The following DAB2 variants were observed in gnomAD, a reference collection of about 807,000 sequenced individuals.
The protein encoded by DAB2 is DAB adaptor protein 2.
DAB2 carries 28 observed loss-of-function variants against 71.6 expected under a neutral mutation model. The ratio of observed to expected loss-of-function variants is 0.39; its 90% CI spans 0.29 to 0.54. The LOEUF (loss-of-function observed/expected upper bound fraction) is 0.54. Among genes scored for constraint, DAB2 ranks in the 20% least tolerant of loss-of-function variants. The probability of loss-of-function intolerance (pLI) is 0.68; values close to 1 mark genes in which losing one functional copy is unlikely to be tolerated. For synonymous variants in DAB2, 345 were observed against 339.7 expected (o/e 1.02, Z -0.17); for missense variants, 867 against 928.8 (o/e 0.93, Z 0.86).
At chr5:39,382,191 C>G (rs144327947) in intron 10 of DAB2, among the ~76,000 whole-genome samples, 1 of 152,046 alleles carries the variant, frequency 6.6e-6, no homozygotes, top group Non-Finnish European at 1.5e-5. Context: ...GAGATAAGCT[C>G]GAGAATTTTA....
chr5:39,416,418 G>A (rs1473369898), intron 1 of DAB2, among the ~76,000 whole-genome samples: 1 of 152,008 alleles, frequency 6.6e-6, no homozygotes, highest in Non-Finnish European at 1.5e-5. Context: ...TAGCTTTCCT[G>A]ATTTTGAATT....
At chr5:39,405,738 ATGTGCTGT>A (rs982723784) in intron 1 of DAB2, among the ~76,000 whole-genome samples, 10 of 152,186 alleles carry the variant, frequency 6.6e-5, no homozygotes, top group African/African-American at 2.4e-4. Flanking sequence ...GTCTTTCCTT[ATGTGCTGT>A]TCTCCATTTT....
rs1755184784 is a variant in DAB2 at position 39,389,932 on chromosome 5, C to G, written c.463G>C (p.Ala155Pro). ...TTAAGATCAACAACTAATGGTTCAG[C>G]CTGCAGTAAGGGAAAGCACTGTTAT... ...QFFAIKTGQQ[A>P]EPLVVDLKDL... The change falls in exon 6 of 15, where the codon GCT becomes CCT. Residue 155 changes from alanine (A) to proline (P), a missense_variant and splice_region_variant. Around this residue, in one of 2 missense-constraint regions of DAB2, gnomAD observed 127 missense variants for 194.4 expected, o/e 0.65. Coordinates refer to ENST00000320816, the MANE Select transcript of DAB2 (RefSeq NM_001343.4). 6.3e-7 allele frequency: 1 copy of G among 1,577,278 alleles called. No homozygotes were observed.
chr5:39,377,654 C>A (rs1340324527), intron 11 of DAB2, among the ~76,000 whole-genome samples: 1 of 152,134 alleles, frequency 6.6e-6, no homozygotes, highest in Admixed American at 6.5e-5. Flanking sequence ...ATAGCAGGAA[C>A]TTATTTAAGT....
chr5:39,384,252 A>G (rs1755045347), intron 9 of DAB2, among the ~76,000 whole-genome samples: 1 of 152,266 alleles, frequency 6.6e-6, no homozygotes, highest in South Asian at 2.1e-4. Context: ...AATGGCACAT[A>G]GTGCCAAAAC....
Position 39,389,924 on chromosome 5 carries a change from T to C in DAB2, c.471A>G (p.Pro157=), listed in dbSNP as rs140741572. 50 of 1,587,994 alleles carry C rather than the reference T, an allele frequency of 3.1e-5. No homozygotes were observed. Among genetic ancestry groups the C allele is most frequent in the Non-Finnish European group, 4.1e-5 (48 of 1,165,602 alleles). The change falls in exon 6 of 15, where the codon CCA becomes CCG. Residue 157 remains proline, a synonymous_variant. Transcript: ENST00000320816. ...AAAGGTCTTTAAGATCAACAACTAA[T>C]GGTTCAGCCTGCAGTAAGGGAAAGC... ...FAIKTGQQAE[P]LVVDLKDLFQ... is the part of the protein sequence containing the mutation.
Position 39,382,965 on chromosome 5 carries a change from T to A in DAB2, c.994A>T (p.Ser332Cys), listed in dbSNP as rs1310643195. ...ACATCACCATTCAGGGGCCCATTAC[T>A]CAGCGGAGTAGACGAGCTACTCGAA... ...ENSSSSSTPL[S>C]NGPLNGDVDY... Residue 332 changes from serine (S) to cysteine (C), a missense_variant, in exon 10 of 15, where the codon AGT (serine) becomes TGT (cysteine). Physicochemically the swap from Ser to Cys is moderately radical, Grantham distance 112 (BLOSUM62 -1). Around this residue, in one of 2 missense-constraint regions of DAB2, gnomAD observed 740 missense variants for 734.3 expected, o/e 1.01. Coordinates refer to ENST00000320816, the MANE Select transcript of DAB2 (RefSeq NM_001343.4). The A allele has an allele frequency of 6.2e-7, 1 of 1,614,178 alleles. No individual in the cohort carries two copies.
At chr5:39,388,467 C>T (rs1477053707) in intron 8 of DAB2, 100 bp from the exon 9 acceptor site, 1 of 869,384 alleles carries the variant, frequency 1.2e-6, no homozygotes, top group Non-Finnish European at 1.9e-6. Flanking sequence ...AAGTAGCTGT[C>T]ACAATTTAAT....
chr5:39,406,448 C>T (rs1323600911), intron 1 of DAB2, among the ~76,000 whole-genome samples: 1 of 152,198 alleles, frequency 6.6e-6, no homozygotes, highest in Non-Finnish European at 1.5e-5. Context: ...TGGCTAAAAC[C>T]CACCAGGTTT....
intron 1 of DAB2, among the ~76,000 whole-genome samples, chr5:39,401,635 A>G (rs1194446852): frequency 6.6e-6 from 1 of 152,218 alleles, no homozygotes; most frequent in Non-Finnish European, 1.5e-5. Context: ...AAGAACTTAC[A>G]TAGCGACAGC....
At chr5:39,419,006 C>G (rs1196410633) in intron 1 of DAB2, among the ~76,000 whole-genome samples, 1 of 152,210 alleles carries the variant, frequency 6.6e-6, no homozygotes, top group Admixed American at 6.5e-5. Context: ...AGAACCCAAG[C>G]TCTTAACCAT....
rs1484014736 is a variant in DAB2, at chr5:39,382,677, T to C, written c.1282A>G (p.Ile428Val). The change falls in exon 10 of 15, where the codon ATA (isoleucine) becomes GTA (valine). Residue 428 changes from isoleucine to valine, a missense_variant. Ile to Val is a conservative substitution (Grantham distance 29). Transcript: ENST00000320816. ...SSVQSSPHDS[I>V]AIIPPPQSTK... ...CTTTGTGGAGGTGGGATAATGGCTA[T>C]GGAGTCATGTGGTGAGGACTGGACA... The C allele has an allele frequency of 3.1e-6, 5 of 1,614,166 alleles. No homozygotes were observed. The highest frequency in any genetic ancestry group is 4.2e-6 in the Non-Finnish European group (5 of 1,180,000).
chr5:39,402,792 T>C (rs1421169530), intron 1 of DAB2, among the ~76,000 whole-genome samples: 1 of 152,224 alleles, frequency 6.6e-6, no homozygotes, highest in African/African-American at 2.4e-5. Context: ...CCTGCTCAGC[T>C]CTGCCTTCTG....
Position 39,377,093 on chromosome 5 carries a change from G to T in DAB2, c.1694C>A (p.Thr565Asn). 1 of 1,614,180 alleles carries T rather than the reference G, an allele frequency of 6.2e-7. No homozygotes were observed. Among genetic ancestry groups the T allele is most frequent in the South Asian group, 1.1e-5 (1 of 91,086 alleles). The change falls in exon 12 of 15, where the codon ACT becomes AAT. Residue 565 changes from threonine to asparagine, a missense_variant. Thr to Asn is a moderately conservative substitution (Grantham distance 65, BLOSUM62 0). This residue lies in a region of DAB2 where 740 missense variants were observed against 734.3 expected (regional missense o/e 1.01). Coordinates refer to ENST00000320816, the MANE Select transcript of DAB2 (RefSeq NM_001343.4). Reference sequence around the variant, plus strand: ...CCAGACAACAGGCACTGGAGGGGGAGTTGAGGCTGCAAAGGGTGAAGGCTG... The same window carrying T: ...CCAGACAACAGGCACTGGAGGGGGATTTGAGGCTGCAAAGGGTGAAGGCTG... ...WNQPSPFAAS[T>N]PPPVPVVWGP...
At chr5:39,405,666 G>T (rs1298378817) in intron 1 of DAB2, among the ~76,000 whole-genome samples, 1 of 152,220 alleles carries the variant, frequency 6.6e-6, no homozygotes, top group Non-Finnish European at 1.5e-5. Flanking sequence ...CTTTTGCAGA[G>T]CTCTGTATTT....
chr5:39,396,712 C>T (rs1755377260), intron 1 of DAB2, among the ~76,000 whole-genome samples: 1 of 152,226 alleles, frequency 6.6e-6, no homozygotes, highest in Non-Finnish European at 1.5e-5. Flanking sequence ...AGACAGTAAC[C>T]GTTTTCCAGA....
At chr5:39,391,302 A>G (rs1755222053) in intron 4 of DAB2, among the ~76,000 whole-genome samples, 1 of 152,162 alleles carries the variant, frequency 6.6e-6, no homozygotes, top group South Asian at 2.1e-4. Flanking sequence ...TGTAGGTGGC[A>G]GAGTGTGTCT....
chr5:39,394,089 C>A, intron 2 of DAB2, 141 bp downstream of exon 2: 1 of 669,654 alleles, frequency 1.5e-6, no homozygotes, highest in Non-Finnish European at 2.6e-6. Flanking sequence ...CAAGGTACAA[C>A]TTTCCTATTA....
chr5:39,424,874 G>A lies in DAB2; in HGVS notation c.-172C>T, dbSNP rs996012945. ...CGGAGCCTCCAGGCTACAGCGCAGC[G>A]GATGCGGCGGGCCTCGCTTAAATAG... On this transcript the variant is annotated 5_prime_UTR_variant, in exon 1 of 15. Transcript: ENST00000320816. 6.5e-6 allele frequency: 1 copy of A among 152,720 alleles called. No individual in the cohort carries two copies. The highest frequency in any genetic ancestry group is 2.4e-5 in the African/African-American group (1 of 41,568). 9.5% of individuals were successfully genotyped at this position (152,720 alleles called of 1,614,324 possible). A position where few individuals can be genotyped will look rare whatever the true frequency, so the allele number is the denominator to read the frequency against.
Sources: gnomAD v4.1 joint callset for allele counts (sites outside exome capture counted in the v4.1 genomes callset) on GRCh38, gnomAD v4.1.1 for gene constraint, gnomAD v4.1.1 regional missense constraint, MANE v1.5 for transcripts, NCBI Gene and HGNC (gene_info 2026-07-23, HGNC 2026-07-21) for gene names.